The following OPCML variants were observed in gnomAD, a reference collection of about 807,000 sequenced individuals.
OPCML encodes the protein opioid binding protein/cell adhesion molecule like, also known as opioid-binding protein/cell adhesion molecule.
A neutral mutation model predicts 37.8 loss-of-function variants in OPCML; 13 were observed. That is an observed-to-expected ratio of 0.34 (90% confidence interval 0.22 to 0.55). The LOEUF (loss-of-function observed/expected upper bound fraction) is 0.55, where lower values mean the gene tolerates loss of function less well. OPCML is among the 20% of genes least tolerant of loss of function. The pLI is 0.91. For missense variants in OPCML, 341 were observed against 435.6 expected (o/e 0.78, Z 1.93); for synonymous variants, 176 against 168.8 (o/e 1.04, Z -0.33).
At chr11:132,616,277 C>T (rs751209033) in intron 3 of OPCML, among the ~76,000 whole-genome samples, 27 of 152,184 alleles carry the variant, frequency 1.8e-4, no homozygotes, top group Admixed American at 2.6e-4. Flanking sequence ...TTTACACACA[C>T]GCATACCGGT....
At chr11:132,423,843 G>C (rs11223066) in intron 7 of OPCML, among the ~76,000 whole-genome samples, 39,532 of 151,878 alleles carry the variant, frequency 0.26, 5,432 homozygotes, top group Non-Finnish European at 0.3. Flanking sequence ...TGTGTGACAG[G>C]GGAGGACATG....
intron 2 of OPCML, chr11:132,773,180 A>G (rs372786829): frequency 2.0e-5 from 3 of 152,180 alleles, no homozygotes; most frequent in Non-Finnish European, 4.4e-5. Flanking sequence ...AAGGAGGCCA[A>G]CATAAATTCT....
intron 2 of OPCML, among the ~76,000 whole-genome samples, chr11:132,832,247 TG>T (rs1940734917): frequency 2.6e-5 from 2 of 76,186 alleles, no homozygotes; most frequent in Non-Finnish European, 2.5e-5. Flanking sequence ...TTTATTTTAA[TG>T]AAAAAAAAAA....
chr11:132,652,349 AACACACACACACACACACAC>A (rs5795793), intron 3 of OPCML, among the ~76,000 whole-genome samples: 6 of 142,538 alleles, frequency 4.2e-5, no homozygotes, highest in African/African-American at 1.6e-4. Flanking sequence ...AAGAATGACA[AACACACACACACACACACAC>A]ACACACACAC....
chr11:132,858,523 T>C (rs1179694896), intron 2 of OPCML, among the ~76,000 whole-genome samples: 2 of 152,222 alleles, frequency 1.3e-5, no homozygotes. Context: ...GGAGAGGTTA[T>C]GAGCCTCCAG....
chr11:133,381,134 G>A (rs1248613393), intron 1 of OPCML, among the ~76,000 whole-genome samples: 2 of 152,230 alleles, frequency 1.3e-5, no homozygotes, highest in African/African-American at 4.8e-5. Context: ...CCTAGGAGTG[G>A]CTTAGAAATT....
chr11:132,552,860 A>G (rs905993329), intron 3 of OPCML, among the ~76,000 whole-genome samples: 4 of 145,104 alleles, frequency 2.8e-5, no homozygotes, highest in African/African-American at 1.0e-4. Context: ...TCCACCTCCC[A>G]GTTCACACCA....
At chr11:133,241,710 C>T (rs1357203391) in intron 1 of OPCML, among the ~76,000 whole-genome samples, 2 of 152,150 alleles carry the variant, frequency 1.3e-5, no homozygotes, top group Admixed American at 6.6e-5. Flanking sequence ...GTACATTTTC[C>T]CAAGATCCGA....
At chr11:132,986,576 T>C (rs1946685002) in intron 1 of OPCML, among the ~76,000 whole-genome samples, 1 of 152,150 alleles carries the variant, frequency 6.6e-6, no homozygotes, top group Non-Finnish European at 1.5e-5. Context: ...ACCTACTCAA[T>C]AAACAGTTTT....
At chr11:132,941,987 T>A (rs1238799365) in intron 2 of OPCML, among the ~76,000 whole-genome samples, 2 of 152,174 alleles carry the variant, frequency 1.3e-5, no homozygotes, top group African/African-American at 4.8e-5. Context: ...GATGTTTTAT[T>A]GTCACCATAA....
chr11:132,977,695 T>C (rs1328137053), intron 1 of OPCML, among the ~76,000 whole-genome samples: 3 of 152,190 alleles, frequency 2.0e-5, no homozygotes, highest in Admixed American at 6.5e-5. Flanking sequence ...AGAGTGCATA[T>C]AGGAGTCTTC....
chr11:132,995,541 T>G (rs187255518), intron 1 of OPCML, among the ~76,000 whole-genome samples: 3 of 151,976 alleles, frequency 2.0e-5, no homozygotes, highest in Admixed American at 6.5e-5. Context: ...CTCATATGAT[T>G]GAAGGAGAGC....
At chr11:133,403,073 T>G (rs980177368) in intron 1 of OPCML, among the ~76,000 whole-genome samples, 2 of 152,206 alleles carry the variant, frequency 1.3e-5, no homozygotes, top group Non-Finnish European at 2.9e-5. Flanking sequence ...GGATAAGAGA[T>G]GCCAAATTTT....
intron 3 of OPCML, among the ~76,000 whole-genome samples, chr11:132,558,473 CCTCCTCCA>C (rs148959536): frequency 0.33 from 11,646 of 34,948 alleles, 2,703 homozygotes; most frequent in African/African-American, 0.44. Flanking sequence ...CCCATCCTGT[CCTCCTCCA>C]CTCCTCCTCC....
At chr11:132,594,539 T>C (rs1448121425) in intron 3 of OPCML, among the ~76,000 whole-genome samples, 3 of 152,214 alleles carry the variant, frequency 2.0e-5, no homozygotes, top group African/African-American at 7.2e-5. Context: ...GTAATAATTT[T>C]TATATCTATA....
intron 4 of OPCML, among the ~76,000 whole-genome samples, chr11:132,507,710 C>T (rs1047921117): frequency 5.9e-5 from 9 of 151,736 alleles, no homozygotes; most frequent in Admixed American, 2.6e-4. Flanking sequence ...ATATTTTAAA[C>T]AATTCATAGT....
chr11:132,663,903 G>C (rs926055471), intron 2 of OPCML, among the ~76,000 whole-genome samples: 1 of 152,132 alleles, frequency 6.6e-6, no homozygotes, highest in Non-Finnish European at 1.5e-5. Flanking sequence ...CGCGATCTCG[G>C]CTCACTGCAA....
chr11:132,565,313 G>A (rs113225896), intron 3 of OPCML, among the ~76,000 whole-genome samples: 25 of 152,208 alleles, frequency 1.6e-4, no homozygotes, highest in African/African-American at 6.0e-4. Context: ...TTTAAAATCT[G>A]CTGGTGACTT....
chr11:132,955,687 T>G (rs7123913), intron 1 of OPCML, among the ~76,000 whole-genome samples: 78,579 of 151,768 alleles, frequency 0.52, 20,537 homozygotes, highest in East Asian at 0.72. Flanking sequence ...TTCGAGACCA[T>G]CCTGACCAAC....
Sources: allele counts gnomAD v4.1 joint callset (sites outside exome capture counted in the v4.1 genomes callset), GRCh38; gene constraint gnomAD v4.1.1; transcripts MANE v1.5; gene names NCBI Gene and HGNC (gene_info 2026-07-23, HGNC 2026-07-21).